The following GRIN1 variants were observed in gnomAD, a reference collection of about 807,000 sequenced individuals.
GRIN1 encodes the protein glutamate ionotropic receptor NMDA type subunit 1.
A neutral mutation model predicts 103.0 loss-of-function variants in GRIN1; 38 were observed. The ratio of observed to expected loss-of-function variants is 0.37; its 90% CI spans 0.28 to 0.48. The LOEUF is 0.48. GRIN1 is among the 20% of genes least tolerant of loss of function. The pLI, the probability that GRIN1 is intolerant of heterozygous loss-of-function variation, is 0.98. For synonymous variants in GRIN1, 544 were observed against 532.7 expected, an observed-to-expected ratio of 1.02 and a Z score of -0.29; for missense variants, 577 against 1,288.9, an observed-to-expected ratio of 0.45 and a Z score of 8.46.
chr9:137,162,593 G>GC lies in GRIN1; in HGVS notation c.1872dup (p.Arg625GlnfsTer175). 6.2e-7 allele frequency: 1 copy of GC among 1,611,888 alleles called. No homozygotes were observed. The highest frequency in any genetic ancestry group is 8.5e-7 in the Non-Finnish European group (1 of 1,179,640). On this transcript the variant is annotated frameshift_variant, in exon 14 of 20. Transcript: ENST00000371561. LOFTEE classifies it high-confidence loss of function. ...CAGAGCCCCCCGCCCGCCCACAGGC[G>GC]CCCCCAGAAGCTTCTCAGCGCGCAT... is the stretch of plus-strand genomic sequence containing the variant.
intron 2 of GRIN1, among the ~76,000 whole-genome samples, 172 bp from the exon 3 acceptor site, chr9:137,145,554 G>C (rs867201253): frequency 1.9e-5 from 1 of 51,816 alleles, no homozygotes; most frequent in African/African-American, 7.0e-5. Flanking sequence ...TAGGGACGGG[G>C]TGGGAGACAC....
At chr9:137,148,213 A>C in intron 3 of GRIN1, 1 of 1,543,380 alleles carries the variant, frequency 6.5e-7, no homozygotes, top group Non-Finnish European at 8.7e-7. Flanking sequence ...CGCGGACCCA[A>C]GGTATATATG....
chr9:137,149,573 G>A (rs1003341533), intron 4 of GRIN1, among the ~76,000 whole-genome samples: 1 of 152,246 alleles, frequency 6.6e-6, no homozygotes, highest in Non-Finnish European at 1.5e-5. Context: ...CAGTAGCTTA[G>A]GGGGAAATCA....
intron 19 of GRIN1, 36 bp from the exon 20 acceptor site, chr9:137,167,375 G>T: frequency 6.6e-7 from 1 of 1,512,216 alleles, no homozygotes; most frequent in African/African-American, 1.4e-5. Context: ...CGGCCGGCGG[G>T]GCCAGCGGGT....
intron 4 of GRIN1, among the ~76,000 whole-genome samples, chr9:137,152,153 G>A (rs1832953233): frequency 6.6e-6 from 1 of 152,048 alleles, no homozygotes; most frequent in South Asian, 2.1e-4. Flanking sequence ...TGATCTGCCC[G>A]CCTCGGCCTC....
rs1833262229 is a variant in GRIN1, at chr9:137,156,955, C to T, written c.886C>T (p.Leu296Phe). 5 of 1,612,224 alleles carry T rather than the reference C, an allele frequency of 3.1e-6. No homozygotes were observed. The highest frequency in any genetic ancestry group is 2.2e-5 in the East Asian group (1 of 44,872). Residue 296 changes from leucine (L) to phenylalanine (F), a missense_variant, in exon 6 of 20, where the codon CTC becomes TTC. Leu to Phe is a conservative substitution (Grantham distance 22, BLOSUM62 0). Transcript: ENST00000371561. The part of the protein sequence containing the change: ...GVVAQAVHEL[L>F]EKENITDPPR... ...GGTGGCCCAGGCCGTGCACGAGCTC[C>T]TCGAGAAGGAGAACATCACCGACCC...
intron 2 of GRIN1, among the ~76,000 whole-genome samples, chr9:137,142,620 G>T (rs753621802): frequency 6.6e-6 from 1 of 152,208 alleles, no homozygotes; most frequent in East Asian, 1.9e-4. Context: ...CCCTCAGGAC[G>T]AGAGGGCCCG....
intron 2 of GRIN1, among the ~76,000 whole-genome samples, chr9:137,143,850 A>T (rs1412129011): frequency 6.6e-6 from 1 of 152,220 alleles, no homozygotes; most frequent in East Asian, 1.9e-4. Context: ...ACACTGAAGG[A>T]ACCAGGGCTT....
At chr9:137,154,847 C>T (rs991123276) in intron 4 of GRIN1, among the ~76,000 whole-genome samples, 1 of 152,192 alleles carries the variant, frequency 6.6e-6, no homozygotes, top group African/African-American at 2.4e-5. Flanking sequence ...CAAAGTCCCA[C>T]AGCAGAGGCC....
intron 4 of GRIN1, among the ~76,000 whole-genome samples, 164 bp from the exon 5 acceptor site, chr9:137,156,505 T>C (rs190940026): frequency 1.3e-5 from 2 of 152,262 alleles, no homozygotes; most frequent in Admixed American, 1.3e-4. Flanking sequence ...CCTGGGAGGC[T>C]CCTGGGTTCT....
chr9:137,140,697 A>G (rs1832121094), intron 1 of GRIN1, among the ~76,000 whole-genome samples: 1 of 152,240 alleles, frequency 6.6e-6, no homozygotes, highest in South Asian at 2.1e-4. Context: ...ACGCATGTAC[A>G]CGAACAGACA....
Position 137,163,043 on chromosome 9 carries a change from G to C in GRIN1, c.2171+40G>C, listed in dbSNP as rs199543007. The C allele has an allele frequency of 3.2e-6, 5 of 1,560,574 alleles. No individual in the cohort carries two copies. In the Admixed American group the frequency reaches 9.5e-5, roughly 30 times the overall value. ...GCCACCCTGGCGGGGCGGGACAGGT[G>C]CGGGGAGGGGGAGGGTGGCCTCCAC... On this transcript the variant is annotated intron_variant, in intron 15 of 19. Transcript: ENST00000371561.
At chr9:137,150,982 G>C (rs1391636098) in intron 4 of GRIN1, among the ~76,000 whole-genome samples, 1 of 84,212 alleles carries the variant, frequency 1.2e-5, no homozygotes, top group African/African-American at 4.7e-5. Context: ...CCAGCCCAGA[G>C]AAAAGACCCG....
Position 137,162,167 on chromosome 9 carries a change from C to T in GRIN1, c.1633-5C>T. 1 of 1,544,542 alleles carries T rather than the reference C, an allele frequency of 6.5e-7. No individual in the cohort carries two copies. On this transcript the variant is annotated splice_polypyrimidine_tract_variant and splice_region_variant and intron_variant, in intron 11 of 19. Coordinates refer to ENST00000371561, the MANE Select transcript of GRIN1 (RefSeq NM_007327.4). The stretch of plus-strand genomic sequence containing the variant: ...GGGCCGCGCTGACCTCGCGTCCCTC[C>T]GCAGGAGATTCCCCGGAGCACGCTG...
At chr9:137,142,237 T>C in intron 2 of GRIN1, 90 bp downstream of exon 2, 2 of 1,328,832 alleles carry the variant, frequency 1.5e-6, no homozygotes, top group Non-Finnish European at 2.2e-6. Flanking sequence ...CCCGCTCACA[T>C]GGAACTCACA....
chr9:137,157,745 T>C (rs114685801), intron 6 of GRIN1, among the ~76,000 whole-genome samples: 3,035 of 152,310 alleles, frequency 0.02, 120 homozygotes, highest in African/African-American at 0.069. Context: ...GAGTAGCACG[T>C]GCAGAGCCAC....
intron 18 of GRIN1, 30 bp downstream of exon 18, chr9:137,163,934 G>T (rs1564365531): frequency 1.2e-6 from 2 of 1,610,446 alleles, no homozygotes; most frequent in South Asian, 1.1e-5. Flanking sequence ...GAGGCCTGGT[G>T]CCCAGGGCCC....
chr9:137,165,190 G>C lies in GRIN1; in HGVS notation c.2594G>C (p.Arg865Thr). 1 of 1,600,820 alleles carries C rather than the reference G, an allele frequency of 6.2e-7. No individual in the cohort carries two copies. The highest frequency in any genetic ancestry group is 8.6e-7 in the Non-Finnish European group (1 of 1,168,958). ...VNVWRKNLQD[R>T]KSGRAEPDPK... ...ACTTATACATATTCATTTTAGGATAGAAAGAGTGGTAGAGCAGAGCCTGAC... is the reference window on the plus strand; with the variant it reads ...ACTTATACATATTCATTTTAGGATACAAAGAGTGGTAGAGCAGAGCCTGAC... Residue 865 changes from arginine to threonine, a missense_variant, in exon 19 of 20, where the codon AGA becomes ACA. By Grantham distance (71) the Arg-to-Thr change is moderately conservative. Around this residue, in one of 9 missense-constraint regions of GRIN1, gnomAD observed 68 missense variants for 113.0 expected, o/e 0.60. Transcript: ENST00000371561.
intron 8 of GRIN1, 35 bp from the exon 9 acceptor site, chr9:137,161,021 C>T (rs752925186): frequency 7.4e-6 from 12 of 1,611,676 alleles, no homozygotes; most frequent in South Asian, 6.6e-5. Context: ...AGCCTTAGGT[C>T]GGTGGTCCAG....
Sources: gnomAD v4.1 joint callset for allele counts (sites outside exome capture counted in the v4.1 genomes callset) on GRCh38, gnomAD v4.1.1 for gene constraint, gnomAD v4.1.1 regional missense constraint, MANE v1.5 for transcripts, NCBI Gene and HGNC (gene_info 2026-07-23, HGNC 2026-07-21) for gene names.